The following DCC variants were observed in gnomAD, a reference collection of about 807,000 sequenced individuals.
DCC encodes the protein DCC netrin 1 receptor, also known as netrin receptor DCC.
Under a neutral mutation model 172.5 loss-of-function variants are expected in DCC, and 58 were observed. That is an observed-to-expected ratio of 0.34 (90% CI 0.27 to 0.42). The LOEUF (loss-of-function observed/expected upper bound fraction) is 0.42, where lower values mean the gene tolerates loss of function less well. Ranked by LOEUF, DCC falls within the 10% of genes least tolerant of loss-of-function variation. The probability of loss-of-function intolerance (pLI) is 1.00; values close to 1 mark genes in which losing one functional copy is unlikely to be tolerated. For synonymous variants in DCC, 709 were observed against 644.5 expected (o/e 1.10, Z -1.52); for missense variants, 1,740 against 1,791.0 (o/e 0.97, Z 0.51).
intron 5 of DCC, among the ~76,000 whole-genome samples, chr18:52,995,361 G>C (rs2041461362): frequency 1.3e-5 from 2 of 152,100 alleles, no homozygotes; most frequent in South Asian, 4.1e-4. Context: ...TGCCAAATCA[G>C]CTACTTACTA....
chr18:52,702,504 T>C (rs980861817), intron 1 of DCC, among the ~76,000 whole-genome samples: 2 of 152,178 alleles, frequency 1.3e-5, no homozygotes, highest in Non-Finnish European at 2.9e-5. Context: ...GCCTTTTTCT[T>C]GACATGATCA....
chr18:52,742,152 G>T (rs984196962), intron 1 of DCC, among the ~76,000 whole-genome samples: 2 of 152,156 alleles, frequency 1.3e-5, no homozygotes, highest in Non-Finnish European at 2.9e-5. Context: ...GGACTTCCCA[G>T]CTTCTAAGTC....
At chr18:53,471,545 C>A (rs1035596159) in intron 25 of DCC, among the ~76,000 whole-genome samples, 3 of 152,172 alleles carry the variant, frequency 2.0e-5, no homozygotes, top group Non-Finnish European at 4.4e-5. Context: ...ACCAATTTTA[C>A]TATGTTCTAC....
chr18:53,486,734 C>CT (rs1229578132), intron 25 of DCC, 63 bp from the exon 26 acceptor site: 2 of 1,610,446 alleles, frequency 1.2e-6, no homozygotes, highest in African/African-American at 1.3e-5. Context: ...CCACCGTTTT[C>CT]TTTTTTGCTT....
At chr18:52,524,524 C>G (rs2031921232) in intron 1 of DCC, among the ~76,000 whole-genome samples, 1 of 152,186 alleles carries the variant, frequency 6.6e-6, no homozygotes. Flanking sequence ...CTCAGCTTTT[C>G]TATACACAGC....
chr18:53,014,790 C>G (rs187248710), intron 5 of DCC, among the ~76,000 whole-genome samples: 1 of 151,966 alleles, frequency 6.6e-6, no homozygotes, highest in Non-Finnish European at 1.5e-5. Context: ...TGAATTGCTG[C>G]ATAAACATCT....
rs2041740138 is a variant in DCC at position 53,012,191 on chromosome 18, T to C, written c.986-51114T>C. 1.3e-5 allele frequency among the ~76,000 whole-genome samples: 2 copies of C among 151,982 alleles called. 1 individual carries two copies. The highest frequency in any genetic ancestry group is 4.1e-4 in the South Asian group (2 of 4,830). ...ACCAGCAATTCTACTTCTAGGTATA[T>C]ATCCTAGAGATACAAGTGCATCGGT... On this transcript the variant is annotated intron_variant, in intron 5 of 28. Transcript: ENST00000442544.
intron 2 of DCC, among the ~76,000 whole-genome samples, chr18:52,899,079 A>C (rs571175497): frequency 1.3e-5 from 2 of 152,180 alleles, no homozygotes; most frequent in African/African-American, 4.8e-5. Context: ...CTTCAAATGA[A>C]AGGATTTATT....
intron 1 of DCC, among the ~76,000 whole-genome samples, chr18:52,622,444 G>T (rs2034497399): frequency 6.6e-6 from 1 of 152,204 alleles, no homozygotes; most frequent in African/African-American, 2.4e-5. Context: ...TACTTTGTCA[G>T]CAAGATCCCA....
At chr18:52,567,982 A>G (rs2033201187) in intron 1 of DCC, among the ~76,000 whole-genome samples, 1 of 152,136 alleles carries the variant, frequency 6.6e-6, no homozygotes. Context: ...AAATCTGACT[A>G]AAGTCTGTAG....
intron 10 of DCC, 33 bp downstream of exon 10, chr18:53,205,397 C>G: frequency 6.2e-7 from 1 of 1,609,108 alleles, no homozygotes; most frequent in Admixed American, 1.7e-5. Context: ...CTGCTTCCAT[C>G]TGTTGGATGT....
At position 52,426,947 on chromosome 18, in the gene DCC, C is replaced by T. The variant is rs564559619; in HGVS notation, c.91+86069C>T. Among the ~76,000 whole-genome samples the T allele has an allele frequency of 3.5e-4, 54 of 152,190 alleles. No homozygotes were observed. The South Asian group carries it at 0.011, about 32-fold the overall frequency. ...TCTTAATTCTTGGTATACTTTATCT[C>T]CCAAATCCTGACAATAGTTCTATGA... is the stretch of plus-strand genomic sequence containing the variant. On this transcript the variant is annotated intron_variant, in intron 1 of 28. Coordinates refer to ENST00000442544, the MANE Select transcript of DCC (RefSeq NM_005215.4).
intron 1 of DCC, among the ~76,000 whole-genome samples, chr18:52,741,413 A>T (rs1360229960): frequency 1.3e-5 from 2 of 152,062 alleles, no homozygotes; most frequent in Non-Finnish European, 1.5e-5. Context: ...ATCACTACTG[A>T]TGTTTTGGGA....
chr18:52,507,256 G>C (rs535663440), intron 1 of DCC, among the ~76,000 whole-genome samples: 6 of 152,094 alleles, frequency 3.9e-5, no homozygotes, highest in Non-Finnish European at 7.4e-5. Flanking sequence ...TCTGTCAAAT[G>C]AATCAAAGTC....
chr18:52,845,126 CAG>C (rs147002604), intron 2 of DCC, among the ~76,000 whole-genome samples: 3,747 of 152,168 alleles, frequency 0.025, 138 homozygotes, highest in African/African-American at 0.082. Flanking sequence ...AAAAGACAGA[CAG>C]AGAGAGGACA....
intron 7 of DCC, among the ~76,000 whole-genome samples, chr18:53,093,025 C>T (rs1039613162): frequency 2.0e-5 from 3 of 152,116 alleles, no homozygotes; most frequent in African/African-American, 7.2e-5. Context: ...AATCCCAGCA[C>T]TTTGGGAGGC....
At chr18:52,353,145 G>T (rs559958650) in intron 1 of DCC, among the ~76,000 whole-genome samples, 1 of 152,316 alleles carries the variant, frequency 6.6e-6, no homozygotes, top group South Asian at 2.1e-4. Context: ...ACATCAAAGA[G>T]TCTTCTGGTT....
At chr18:52,366,104 AAG>A (rs759062726) in intron 1 of DCC, among the ~76,000 whole-genome samples, 7 of 152,042 alleles carry the variant, frequency 4.6e-5, no homozygotes, top group African/African-American at 7.2e-5. Context: ...TATGAAGGAG[AAG>A]AGAGAGATTT....
At chr18:53,360,502 A>T (rs573799791) in intron 15 of DCC, among the ~76,000 whole-genome samples, 1 of 152,290 alleles carries the variant, frequency 6.6e-6, no homozygotes, top group East Asian at 1.9e-4. Flanking sequence ...TAGGAATGAC[A>T]TTTCCCTAAA....
Sources: allele counts gnomAD v4.1 joint callset (sites outside exome capture counted in the v4.1 genomes callset), GRCh38; gene constraint gnomAD v4.1.1; transcripts MANE v1.5; gene names NCBI Gene and HGNC (gene_info 2026-07-23, HGNC 2026-07-21).